The following TLK1 variants were observed in gnomAD, a reference collection of about 807,000 sequenced individuals.
The protein encoded by TLK1 is serine/threonine-protein kinase tousled-like 1.
Under a neutral mutation model 105.3 loss-of-function variants are expected in TLK1, and 24 were observed. The ratio of observed to expected loss-of-function variants is 0.23; its 90% CI spans 0.17 to 0.32. TLK1 has a LOEUF of 0.32. Among genes scored for constraint, TLK1 ranks in the 10% least tolerant of loss-of-function variants. The probability of loss-of-function intolerance (pLI) is 1.00; values close to 1 mark genes in which losing one functional copy is unlikely to be tolerated. For synonymous variants in TLK1, 321 were observed against 310.4 expected, an observed-to-expected ratio of 1.03 and a Z score of -0.36; for missense variants, 558 against 910.5, an observed-to-expected ratio of 0.61 and a Z score of 4.98.
intron 1 of TLK1, among the ~76,000 whole-genome samples, chr2:171,189,449 A>T (rs1345659538): frequency 2.0e-5 from 3 of 152,148 alleles, no homozygotes; most frequent in Non-Finnish European, 4.4e-5. Flanking sequence ...ATGATAGTAC[A>T]ATTTTAATAT....
intron 1 of TLK1, among the ~76,000 whole-genome samples, chr2:171,126,276 G>A (rs1690864505): frequency 6.6e-6 from 1 of 151,990 alleles, no homozygotes; most frequent in South Asian, 2.1e-4. Flanking sequence ...AAATTTTAGG[G>A]AACATAAAGA....
intron 1 of TLK1, among the ~76,000 whole-genome samples, chr2:171,211,333 A>G (rs1693608792): frequency 6.6e-6 from 1 of 152,198 alleles, no homozygotes. Context: ...CACGAATTAT[A>G]TCAAACCGTT....
Position 171,046,400 on chromosome 2 carries a change from C to T in TLK1, c.981-38G>A, listed in dbSNP as rs1245053583. The stretch of plus-strand genomic sequence containing the variant: ...AAACAAATAAAACCATATTAACCTT[C>T]CATTACTTTTCAAGGCTAAACTTGG... On this transcript the variant is annotated intron_variant, in intron 10 of 20. Transcript: ENST00000431350. 3 of 1,510,132 alleles carry T rather than the reference C, an allele frequency of 2.0e-6. No homozygotes were observed. The South Asian group carries it at 4.1e-5, about 21-fold the overall frequency. 93.5% of individuals were successfully genotyped at this position (1,510,132 alleles called of 1,614,324 possible). A position where few individuals can be genotyped will look rare whatever the true frequency, so the allele number is the denominator to read the frequency against.
Position 171,056,832 on chromosome 2 carries a change from A to G in TLK1, c.454-266T>C, listed in dbSNP as rs190697136. ...TATCATCTGTTATTTTGGTCAACTC[A>G]AAGACAAATAAATTCCTCCAAAGCA... On this transcript the variant is annotated intron_variant, in intron 5 of 20. Coordinates refer to ENST00000431350, the MANE Select transcript of TLK1 (RefSeq NM_012290.5). 1.9e-4 allele frequency among the ~76,000 whole-genome samples: 29 copies of G among 152,070 alleles called. 1 individual carries two copies. In the East Asian group the frequency reaches 5.6e-3, roughly 29 times the overall value.
rs1458681564 is a variant in TLK1 at position 171,160,706 on chromosome 2, C to T, written c.-278G>A. 4.2e-6 allele frequency: 2 copies of T among 474,344 alleles called. No homozygotes were observed. Among genetic ancestry groups the T allele is most frequent in the Non-Finnish European group, 7.1e-6 (2 of 280,498 alleles). 29.4% of individuals were successfully genotyped at this position (474,344 alleles called of 1,614,324 possible). A position where few individuals can be genotyped will look rare whatever the true frequency, so the allele number is the denominator to read the frequency against. On this transcript the variant is annotated 5_prime_UTR_variant, in exon 1 of 21. Transcript: ENST00000431350. The surrounding 1 kb of genome is among the most constrained non-coding windows in gnomAD (Gnocchi z 4.4). ...GAGGAGGAGGAAAGGAGCGCGGCGG[C>T]GGAGGCGTCGAGGGGGTGCCAGCCG...
chr2:171,163,172 T>C (rs1164243727), upstream of TLK1, among the ~76,000 whole-genome samples: 1 of 152,256 alleles, frequency 6.6e-6, no homozygotes, highest in African/African-American at 2.4e-5. Flanking sequence ...TGTTTTTATT[T>C]TTAAGTAGTA....
chr2:171,060,097 G>C (rs1319216733), intron 4 of TLK1: 5 of 1,503,212 alleles, frequency 3.3e-6, no homozygotes, highest in Non-Finnish European at 4.4e-6. Context: ...AGTGAGGAAG[G>C]TGAAACAAGA....
intron 20 of TLK1, among the ~76,000 whole-genome samples, chr2:170,995,990 C>T (rs1202041487): frequency 6.6e-6 from 1 of 151,784 alleles, no homozygotes; most frequent in African/African-American, 2.4e-5. Context: ...GTGTGAGCCA[C>T]CGCGCATGGC....
intron 1 of TLK1, among the ~76,000 whole-genome samples, chr2:171,177,436 T>C (rs569705810): frequency 3.4e-4 from 51 of 151,796 alleles, no homozygotes; most frequent in African/African-American, 1.0e-3. Flanking sequence ...AGCCACCTCA[T>C]TGGGCTTCTT....
chr2:171,112,228 G>A (rs899910827), intron 2 of TLK1, among the ~76,000 whole-genome samples: 4 of 152,204 alleles, frequency 2.6e-5, no homozygotes, highest in Admixed American at 2.6e-4. Flanking sequence ...GGGATTACAG[G>A]TGTGAGCCAC....
intron 1 of TLK1, among the ~76,000 whole-genome samples, chr2:171,121,202 T>C (rs1690639526): frequency 6.6e-6 from 1 of 152,042 alleles, no homozygotes; most frequent in Non-Finnish European, 1.5e-5. Context: ...CATTTAAAAA[T>C]AGTTAACATG....
chr2:171,049,531 T>C (rs1180353844), intron 10 of TLK1, among the ~76,000 whole-genome samples: 1 of 152,150 alleles, frequency 6.6e-6, no homozygotes, highest in Non-Finnish European at 1.5e-5. Context: ...TTTTCAACAA[T>C]TTCCCTCTCA....
intron 11 of TLK1, among the ~76,000 whole-genome samples, chr2:171,032,489 T>A (rs1308976195): frequency 1.3e-5 from 2 of 152,176 alleles, no homozygotes; most frequent in East Asian, 3.9e-4. Context: ...GCTATTACAT[T>A]TACAATAGCA....
chr2:171,166,453 T>C (rs1692612039), intron 1 of TLK1, among the ~76,000 whole-genome samples: 1 of 152,236 alleles, frequency 6.6e-6, no homozygotes, highest in Admixed American at 6.5e-5. Context: ...CCACCACCCC[T>C]TCACACTCAT....
chr2:171,087,193 A>C (rs1179397237), intron 2 of TLK1, among the ~76,000 whole-genome samples: 1 of 152,254 alleles, frequency 6.6e-6, no homozygotes, highest in Non-Finnish European at 1.5e-5. Context: ...AAAGACAATC[A>C]ATAGATACTA....
At chr2:171,005,195 T>G (rs551906073) in intron 18 of TLK1, among the ~76,000 whole-genome samples, 1 of 152,352 alleles carries the variant, frequency 6.6e-6, no homozygotes, top group Non-Finnish European at 1.5e-5. Context: ...GAACTAAGTT[T>G]GTTTTGAAAT....
At chr2:171,045,724 A>G in intron 11 of TLK1, 1 of 153,122 alleles carries the variant, frequency 6.5e-6, no homozygotes. Flanking sequence ...TTCATTAACA[A>G]AGAAAATCCA....
chr2:171,204,878 A>C (rs951848674), intron 1 of TLK1, among the ~76,000 whole-genome samples: 10 of 152,104 alleles, frequency 6.6e-5, no homozygotes, highest in Non-Finnish European at 1.2e-4. Context: ...GAATCACTTG[A>C]ACCCGGGATT....
At chr2:171,149,776 T>TACCAA in intron 1 of TLK1, among the ~76,000 whole-genome samples, 1 of 152,104 alleles carries the variant, frequency 6.6e-6, no homozygotes, top group South Asian at 2.1e-4. Flanking sequence ...TATGGTGGCG[T>TACCAA]GCACCTGTAG....
Sources: gnomAD v4.1 joint callset for allele counts (sites outside exome capture counted in the v4.1 genomes callset) on GRCh38, gnomAD v4.1.1 for gene constraint, Gnocchi (gnomAD v3.1) non-coding constraint, MANE v1.5 for transcripts, NCBI Gene and HGNC (gene_info 2026-07-23, HGNC 2026-07-21) for gene names.